MAGED1: variants seen among roughly 807,000 people sequenced by gnomAD.
The protein encoded by MAGED1 is MAGE family member D1.
MAGED1 carries 3 observed loss-of-function variants against 54.1 expected under a neutral mutation model. The ratio of observed to expected loss-of-function variants is 0.06; its 90% CI spans 0.03 to 0.14. The LOEUF is 0.14. Ranked by LOEUF, MAGED1 falls within the 10% of genes least tolerant of loss-of-function variation. The pLI, the probability that MAGED1 is intolerant of heterozygous loss-of-function variation, is 1.00. For synonymous variants in MAGED1, 217 were observed against 227.3 expected (o/e 0.95, Z 0.41); for missense variants, 485 against 623.4 (o/e 0.78, Z 2.36).
intron 1 of MAGED1, among the ~76,000 whole-genome samples, chrX:51,874,362 T>C (rs187889155): frequency 5.4e-5 from 6 of 111,223 alleles, no homozygotes; most frequent in African/African-American, 1.6e-4. Flanking sequence ...GAGGAAGTAA[T>C]GATGGAGATG....
intron 1 of MAGED1, among the ~76,000 whole-genome samples, chrX:51,861,201 C>T (rs1023555331): frequency 1.8e-5 from 2 of 111,387 alleles, no homozygotes; most frequent in Non-Finnish European, 1.9e-5. Context: ...CATATCCCTT[C>T]GCTCCCTTTA....
At chrX:51,827,673 G>A (rs2146961566) in intron 1 of MAGED1, among the ~76,000 whole-genome samples, 1 of 111,240 alleles carries the variant, frequency 9.0e-6, no homozygotes, top group Non-Finnish European at 1.9e-5. Flanking sequence ...CTCTACCTTG[G>A]ACTCAGTTTT....
intron 1 of MAGED1, among the ~76,000 whole-genome samples, chrX:51,872,473 G>C (rs1265920771): frequency 8.9e-6 from 1 of 111,777 alleles, no homozygotes; most frequent in Non-Finnish European, 1.9e-5. Flanking sequence ...TTTGTTCTCT[G>C]GGTTCATTTA....
chrX:51,825,933 A>G (rs1925837609), intron 1 of MAGED1, among the ~76,000 whole-genome samples: 1 of 112,385 alleles, frequency 8.9e-6, no homozygotes, highest in African/African-American at 3.2e-5. Flanking sequence ...CACTGAATCA[A>G]ACATAAACCT....
chrX:51,866,296 T>G (rs1927458394), intron 1 of MAGED1, among the ~76,000 whole-genome samples: 1 of 112,089 alleles, frequency 8.9e-6, no homozygotes, highest in Non-Finnish European at 1.9e-5. Context: ...TGGGCCTTGA[T>G]GTAGATTGGA....
intron 1 of MAGED1, among the ~76,000 whole-genome samples, chrX:51,809,835 T>G (rs781875499): frequency 9.0e-6 from 1 of 111,587 alleles, no homozygotes; most frequent in Admixed American, 9.6e-5. Flanking sequence ...TGAAAAATGG[T>G]GATATTTAAT....
chrX:51,838,942 A>T (rs1557358190), intron 1 of MAGED1, among the ~76,000 whole-genome samples: 1 of 111,679 alleles, frequency 9.0e-6, no homozygotes, highest in Non-Finnish European at 1.9e-5. Flanking sequence ...AAAAGTCTGC[A>T]CAACAATACA....
rs782093710 is a variant in MAGED1, at chrX:51,900,186, C to T, written c.1849C>T (p.Leu617=). Residue 617 remains leucine, a synonymous_variant, in exon 11 of 13, where the codon CTG becomes TTG. Transcript: ENST00000326587. ...AAGACTGTTTTGCTCTTTCAGATAC[C>T]TGGACTACAGACGAGTGCCCAACAG... ...LTYEFVKQKY[L]DYRRVPNSNP... is the part of the protein sequence containing the mutation. 1 of 1,194,770 alleles carries T rather than the reference C, an allele frequency of 8.4e-7. No individual in the cohort carries two copies.
intron 1 of MAGED1, among the ~76,000 whole-genome samples, chrX:51,882,218 G>A (rs2147002813): frequency 8.9e-6 from 1 of 111,973 alleles, no homozygotes; most frequent in South Asian, 3.7e-4. Flanking sequence ...TATTGCTCTT[G>A]ATGTTTTAGC....
At chrX:51,839,395 G>T (rs1017968083) in intron 1 of MAGED1, among the ~76,000 whole-genome samples, 1 of 111,699 alleles carries the variant, frequency 9.0e-6, no homozygotes, top group Non-Finnish European at 1.9e-5. Flanking sequence ...TACAGAAATG[G>T]ATCCAGGCAG....
At chrX:51,846,104 G>A (rs1557359259) in intron 1 of MAGED1, among the ~76,000 whole-genome samples, 1 of 111,455 alleles carries the variant, frequency 9.0e-6, no homozygotes, top group Non-Finnish European at 1.9e-5. Context: ...GCCAGAGAGT[G>A]GACTATCATA....
At chrX:51,900,421 T>G in intron 11 of MAGED1, 125 bp downstream of exon 11, 1 of 472,349 alleles carries the variant, frequency 2.1e-6, no homozygotes, top group Non-Finnish European at 3.6e-6. Context: ...CTGGTGGTAT[T>G]TGTTGTTGCT....
chrX:51,851,089 T>A (rs1926875201), intron 1 of MAGED1, among the ~76,000 whole-genome samples: 1 of 111,491 alleles, frequency 9.0e-6, no homozygotes. Flanking sequence ...GGAAAAGTAC[T>A]GGGTTTGATA....
chrX:51,859,613 A>G (rs1023247359), intron 1 of MAGED1, among the ~76,000 whole-genome samples: 1 of 111,845 alleles, frequency 8.9e-6, no homozygotes, highest in South Asian at 3.7e-4. Flanking sequence ...CTGTGAATAT[A>G]TATTACCTGA....
At chrX:51,896,226 G>A (rs917602471) in intron 3 of MAGED1, 183 bp from the exon 4 acceptor site, 24 of 451,133 alleles carry the variant, frequency 5.3e-5, no homozygotes, top group Non-Finnish European at 7.9e-5. Context: ...GTTGCTCCTG[G>A]CCTGGCTCGG....
At position 51,845,718 on chromosome X, in the gene MAGED1, C is replaced by A. The variant is rs1479659337; in HGVS notation, c.-37+42601C>A. 6.3e-5 allele frequency among the ~76,000 whole-genome samples: 7 copies of A among 111,460 alleles called. No individual in the cohort carries two copies. The Admixed American group carries it at 6.7e-4, about 11-fold the overall frequency. On this transcript the variant is annotated intron_variant, in intron 1 of 12. Coordinates refer to the MAGED1 transcript ENST00000375772. ...GACTTGATCCTGTAATGGGTTGAGACTTTTCAGATCTTGGTATGAAATGAA... is the reference window on the plus strand; with the variant it reads ...GACTTGATCCTGTAATGGGTTGAGAATTTTCAGATCTTGGTATGAAATGAA...
chrX:51,882,985 C>T (rs1291380859), intron 1 of MAGED1, among the ~76,000 whole-genome samples: 1 of 112,064 alleles, frequency 8.9e-6, no homozygotes, highest in Non-Finnish European at 1.9e-5. Flanking sequence ...GCCACTGCAC[C>T]TGGCTGACAA....
intron 1 of MAGED1, chrX:51,858,140 A>G (rs1927154083): frequency 8.9e-6 from 1 of 112,395 alleles, no homozygotes; most frequent in African/African-American, 3.2e-5. Context: ...TTGTTTAATC[A>G]TTTTTTTACA....
At position 51,894,672 on chromosome X, in the gene MAGED1, C is replaced by T. The variant is rs1304734768; in HGVS notation, c.45+323C>T. The stretch of plus-strand genomic sequence containing the variant: ...AGTCTGTCACCCCCTCCCCCAGCCT[C>T]CTGCCTCCACCCTCCCTCTTTCTGC... On this transcript the variant is annotated intron_variant, in intron 2 of 12. Coordinates refer to ENST00000326587, the MANE Select transcript of MAGED1 (RefSeq NM_006986.4). 5.1e-6 allele frequency: 6 copies of T among 1,177,647 alleles called. No homozygotes were observed. Among genetic ancestry groups the T allele is most frequent in the Non-Finnish European group, 6.8e-6 (6 of 880,615 alleles).
Sources: allele counts gnomAD v4.1 joint callset (sites outside exome capture counted in the v4.1 genomes callset), GRCh38; gene constraint gnomAD v4.1.1; transcripts MANE v1.5; gene names NCBI Gene and HGNC (gene_info 2026-07-23, HGNC 2026-07-21).